R3HDM1: variants seen among roughly 807,000 people sequenced by gnomAD.
R3HDM1 encodes the protein R3H domain containing 1.
In R3HDM1, 46 loss-of-function variants were observed where a neutral mutation model predicts 141.1. The ratio of observed to expected loss-of-function variants is 0.33; its 90% CI spans 0.26 to 0.42. The LOEUF is 0.42. Ranked by LOEUF, R3HDM1 falls within the 10% of genes least tolerant of loss-of-function variation. The pLI, the probability that R3HDM1 is intolerant of heterozygous loss-of-function variation, is 1.00. For missense variants in R3HDM1, 1,184 were observed against 1,368.3 expected (o/e 0.87, Z 2.12); for synonymous variants, 435 against 472.9 (o/e 0.92, Z 1.04).
At chr2:135,627,804 A>G (rs903016891) in intron 7 of R3HDM1, among the ~76,000 whole-genome samples, 1 of 152,156 alleles carries the variant, frequency 6.6e-6, no homozygotes, top group Non-Finnish European at 1.5e-5. Flanking sequence ...CAGACATTTA[A>G]CCAAGAGCAT....
chr2:135,645,932 C>T (rs1470199194), intron 16 of R3HDM1, among the ~76,000 whole-genome samples: 2 of 152,184 alleles, frequency 1.3e-5, no homozygotes, highest in Non-Finnish European at 2.9e-5. Context: ...CTGCAAGGTA[C>T]TCTTCATCCA....
intron 1 of R3HDM1, among the ~76,000 whole-genome samples, chr2:135,597,508 G>T (rs1310753868): frequency 1.3e-5 from 2 of 152,180 alleles, no homozygotes; most frequent in African/African-American, 4.8e-5. Flanking sequence ...CTTTCTAGAG[G>T]CATTTGAACA....
intron 21 of R3HDM1, among the ~76,000 whole-genome samples, chr2:135,689,911 T>C (rs986753833): frequency 1.3e-5 from 2 of 152,140 alleles, no homozygotes; most frequent in African/African-American, 4.8e-5. Context: ...TCTCCTATTT[T>C]CCCTTTCATT....
intron 3 of R3HDM1, among the ~76,000 whole-genome samples, chr2:135,612,367 A>G (rs2060626699): frequency 6.6e-6 from 1 of 152,218 alleles, no homozygotes; most frequent in African/African-American, 2.4e-5. Flanking sequence ...CATAACAATT[A>G]TTAATTACAA....
intron 1 of R3HDM1, among the ~76,000 whole-genome samples, chr2:135,575,401 C>G (rs1056732616): frequency 5.9e-5 from 9 of 152,090 alleles, no homozygotes; most frequent in Non-Finnish European, 1.3e-4. Flanking sequence ...AGGCTGGTCT[C>G]GAACTCCTGA....
chr2:135,616,522 G>A (rs748404921), intron 4 of R3HDM1, 146 bp from the exon 5 acceptor site: 1 of 676,494 alleles, frequency 1.5e-6, no homozygotes, highest in Non-Finnish European at 2.5e-6. Context: ...CTTCAGTAGT[G>A]TTTAATGATA....
At chr2:135,697,835 G>T (rs755773025) in intron 21 of R3HDM1, among the ~76,000 whole-genome samples, 1 of 151,882 alleles carries the variant, frequency 6.6e-6, no homozygotes, top group Non-Finnish European at 1.5e-5. Flanking sequence ...AGGCAGATCA[G>T]TTGAAGCCAG....
intron 1 of R3HDM1, chr2:135,586,591 T>C: frequency 5.6e-6 from 3 of 536,954 alleles, no homozygotes; most frequent in Non-Finnish European, 7.1e-6. Flanking sequence ...ACCATAATTT[T>C]TGTTAGAGGA....
intron 18 of R3HDM1, among the ~76,000 whole-genome samples, chr2:135,655,741 G>A (rs996684479): frequency 2.4e-4 from 36 of 151,964 alleles, no homozygotes; most frequent in Non-Finnish European, 3.1e-4. Flanking sequence ...TGATCCGCCC[G>A]CCTCGGCCTC....
At chr2:135,675,589 C>G (rs1187627063) in intron 20 of R3HDM1, 103 bp downstream of exon 20, 2 of 1,202,458 alleles carry the variant, frequency 1.7e-6, no homozygotes, top group Admixed American at 4.8e-5. Context: ...ACAGGAAAAA[C>G]ATTTCTGTAA....
intron 1 of R3HDM1, among the ~76,000 whole-genome samples, chr2:135,570,325 A>G (rs1703824025): frequency 1.3e-5 from 2 of 152,218 alleles, no homozygotes. Context: ...TTCCATGTGT[A>G]ATGATGTGTC....
chr2:135,565,322 AATTATTATTATTATTATTATT>A (rs72174180), intron 1 of R3HDM1, among the ~76,000 whole-genome samples: 2 of 143,164 alleles, frequency 1.4e-5, no homozygotes, highest in African/African-American at 5.2e-5. Context: ...AATGAAAAAA[AATTATTATTATTATTATTATT>A]ATTATTATTA....
chr2:135,575,583 A>G (rs1463682116), intron 1 of R3HDM1, among the ~76,000 whole-genome samples: 1 of 152,246 alleles, frequency 6.6e-6, no homozygotes, highest in African/African-American at 2.4e-5. Flanking sequence ...AGAATTCAAT[A>G]AAATAGCAGG....
intron 21 of R3HDM1, among the ~76,000 whole-genome samples, chr2:135,686,524 C>T (rs899608204): frequency 2.6e-5 from 4 of 152,002 alleles, no homozygotes; most frequent in Admixed American, 6.5e-5. Context: ...TGGCTCGAGC[C>T]CAGGAGTTTG....
intron 18 of R3HDM1, among the ~76,000 whole-genome samples, chr2:135,657,570 A>G (rs2066084559): frequency 6.6e-6 from 1 of 152,140 alleles, no homozygotes; most frequent in Non-Finnish European, 1.5e-5. Context: ...AACTTGAGTG[A>G]TTCTTGGCTA....
At chr2:135,700,877 C>T (rs956731753) in intron 21 of R3HDM1, among the ~76,000 whole-genome samples, 3 of 152,022 alleles carry the variant, frequency 2.0e-5, no homozygotes, top group Non-Finnish European at 4.4e-5. Context: ...GTACAGTAGT[C>T]CCCCTTATCC....
intron 18 of R3HDM1, among the ~76,000 whole-genome samples, chr2:135,653,902 C>T (rs144869972): frequency 2.6e-4 from 40 of 152,142 alleles, no homozygotes; most frequent in East Asian, 1.7e-3. Flanking sequence ...AATATTTTAG[C>T]GTTATGTGGT....
At chr2:135,556,765 G>T (rs747330792) in intron 1 of R3HDM1, among the ~76,000 whole-genome samples, 2 of 151,634 alleles carry the variant, frequency 1.3e-5, no homozygotes, top group African/African-American at 2.4e-5. Flanking sequence ...TGATCTGCCC[G>T]CCTCGGCCTC....
At chr2:135,592,782 G>A (rs1559189713) in intron 1 of R3HDM1, among the ~76,000 whole-genome samples, 1 of 151,496 alleles carries the variant, frequency 6.6e-6, no homozygotes, top group African/African-American at 2.4e-5. Flanking sequence ...AAGAGGCAGG[G>A]TCTTGCTGTG....
Sources: allele counts gnomAD v4.1 joint callset (sites outside exome capture counted in the v4.1 genomes callset), GRCh38; gene constraint gnomAD v4.1.1; transcripts MANE v1.5; gene names NCBI Gene and HGNC (gene_info 2026-07-23, HGNC 2026-07-21).